DCLK1: variants seen among roughly 807,000 people sequenced by gnomAD.
DCLK1 encodes the protein doublecortin like kinase 1.
Under a neutral mutation model 86.2 loss-of-function variants are expected in DCLK1, and 16 were observed. The observed-to-expected ratio is 0.19, with a 90% CI of 0.13 to 0.28. The LOEUF (loss-of-function observed/expected upper bound fraction) is 0.28, where lower values mean the gene tolerates loss of function less well. Among genes scored for constraint, DCLK1 ranks in the 10% least tolerant of loss-of-function variants. The pLI, the probability that DCLK1 is intolerant of heterozygous loss-of-function variation, is 1.00. For synonymous variants in DCLK1, 369 were observed against 370.5 expected, an observed-to-expected ratio of 1.00 and a Z score of 0.05; for missense variants, 590 against 940.2, an observed-to-expected ratio of 0.63 and a Z score of 4.87.
At chr13:35,984,211 GC>G (rs1879794445) in intron 3 of DCLK1, among the ~76,000 whole-genome samples, 1 of 152,200 alleles carries the variant, frequency 6.6e-6, no homozygotes, top group Admixed American at 6.5e-5. Flanking sequence ...CTGTCTGTCA[GC>G]CGAGGATAGG....
chr13:35,794,537 T>A (rs551594448), intron 15 of DCLK1, among the ~76,000 whole-genome samples: 1 of 152,364 alleles, frequency 6.6e-6, no homozygotes, highest in Admixed American at 6.5e-5. Context: ...CACATGGCAT[T>A]TGCTTTTTCT....
chr13:36,104,730 G>A (rs1375880685), intron 3 of DCLK1, among the ~76,000 whole-genome samples: 1 of 151,810 alleles, frequency 6.6e-6, no homozygotes, highest in Non-Finnish European at 1.5e-5. Flanking sequence ...ATGCCTTTAA[G>A]GAATGACCTG....
intron 4 of DCLK1, among the ~76,000 whole-genome samples, chr13:35,897,759 A>G (rs1420310294): frequency 6.6e-6 from 1 of 152,224 alleles, no homozygotes; most frequent in Admixed American, 6.5e-5. Context: ...TAAAAACAAA[A>G]GCAACTGAAA....
chr13:36,123,873 C>T (rs1886074635), intron 2 of DCLK1, among the ~76,000 whole-genome samples: 1 of 152,216 alleles, frequency 6.6e-6, no homozygotes, highest in Non-Finnish European at 1.5e-5. Context: ...TGGTGACAAG[C>T]ATGCCATAAT....
intron 11 of DCLK1, among the ~76,000 whole-genome samples, chr13:35,821,921 A>G (rs1057426159): frequency 1.3e-5 from 2 of 151,904 alleles, no homozygotes; most frequent in Non-Finnish European, 2.9e-5. Flanking sequence ...AGCAAACCAA[A>G]TAGTGTAAAG....
chr13:35,987,704 C>T (rs1880000807), intron 3 of DCLK1, among the ~76,000 whole-genome samples: 1 of 152,154 alleles, frequency 6.6e-6, no homozygotes, highest in Admixed American at 6.5e-5. Flanking sequence ...TGAGAGAAGA[C>T]ACCTAACCCG....
At chr13:35,856,501 A>G (rs1221971449) in intron 5 of DCLK1, among the ~76,000 whole-genome samples, 1 of 152,244 alleles carries the variant, frequency 6.6e-6, no homozygotes, top group Non-Finnish European at 1.5e-5. Flanking sequence ...TTGGAGGGAA[A>G]AAATGAGCAA....
At chr13:36,031,635 T>C (rs1882276244) in intron 3 of DCLK1, among the ~76,000 whole-genome samples, 2 of 152,222 alleles carry the variant, frequency 1.3e-5, no homozygotes, top group Non-Finnish European at 2.9e-5. Flanking sequence ...TGTTAAGTTG[T>C]AAAGATGAAT....
chr13:36,078,439 G>C (rs1884292887), intron 3 of DCLK1, among the ~76,000 whole-genome samples: 1 of 152,222 alleles, frequency 6.6e-6, no homozygotes, highest in Non-Finnish European at 1.5e-5. Context: ...CCAAGCCCTT[G>C]ATGATCTGTT....
Position 36,029,958 on chromosome 13 carries a change from G to A in DCLK1, c.723+81911C>T, listed in dbSNP as rs568433464. Among the ~76,000 whole-genome samples the A allele has an allele frequency of 4.5e-4, 69 of 152,116 alleles. 1 individual carries two copies. The South Asian group carries it at 0.012, about 26-fold the overall frequency. ...ACAATTAACCTAATTTTACACACAC[G>A]GTTCAGAAAGGTTAAGTAACTTGTC... is the stretch of plus-strand genomic sequence containing the variant. On this transcript the variant is annotated intron_variant, in intron 3 of 16. Coordinates refer to ENST00000360631, the MANE Select transcript of DCLK1 (RefSeq NM_001330071.2).
chr13:35,804,255 C>G (rs569526763), intron 15 of DCLK1, among the ~76,000 whole-genome samples: 1 of 150,804 alleles, frequency 6.6e-6, no homozygotes, highest in Admixed American at 6.6e-5. Context: ...CTCAGCCTCC[C>G]GAGTAGCTGG....
intron 15 of DCLK1, among the ~76,000 whole-genome samples, chr13:35,804,037 C>A (rs748078772): frequency 6.6e-6 from 1 of 152,168 alleles, no homozygotes; most frequent in Non-Finnish European, 1.5e-5. Flanking sequence ...ACAATAAGTA[C>A]AAACACAACA....
intron 4 of DCLK1, among the ~76,000 whole-genome samples, chr13:35,910,061 G>A (rs771445920): frequency 6.6e-6 from 1 of 152,128 alleles, no homozygotes; most frequent in Non-Finnish European, 1.5e-5. Flanking sequence ...GGTTACTCAG[G>A]AGGGAACAGG....
chr13:35,964,781 G>GAAAA (rs10533073), intron 3 of DCLK1, among the ~76,000 whole-genome samples: 1 of 130,242 alleles, frequency 7.7e-6, no homozygotes. Context: ...AAAATGGTTG[G>GAAAA]AAAAAAAAAA....
At chr13:35,797,192 T>C (rs2086830156) in intron 15 of DCLK1, among the ~76,000 whole-genome samples, 1 of 152,188 alleles carries the variant, frequency 6.6e-6, no homozygotes, top group Admixed American at 6.5e-5. Flanking sequence ...GGTGTAAATA[T>C]GGGGAAAGAT....
At chr13:35,816,124 T>C (rs2087259884) in intron 11 of DCLK1, among the ~76,000 whole-genome samples, 1 of 152,208 alleles carries the variant, frequency 6.6e-6, no homozygotes, top group Admixed American at 6.5e-5. Flanking sequence ...TTAGGAATTA[T>C]ACATCCCAGG....
At chr13:35,974,792 C>T (rs1175887971) in intron 3 of DCLK1, among the ~76,000 whole-genome samples, 1 of 152,168 alleles carries the variant, frequency 6.6e-6, no homozygotes, top group Non-Finnish European at 1.5e-5. Context: ...TAAGAACAAA[C>T]TAATATAGAG....
chr13:35,779,206 C>T lies in DCLK1; in HGVS notation c.2059-4507G>A, dbSNP rs751836919. ...GGCCTGGCTGGTCTCGAACTCCTGA[C>T]CTCAGGTGATCCACCTGCCTCGGCC... On this transcript the variant is annotated intron_variant, in intron 16 of 16. Coordinates refer to ENST00000360631, the MANE Select transcript of DCLK1 (RefSeq NM_001330071.2). Among the ~76,000 whole-genome samples, 19 of 152,200 alleles carry T rather than the reference C, an allele frequency of 1.2e-4. No individual in the cohort carries two copies. In the South Asian group the frequency reaches 1.2e-3, roughly 10 times the overall value.
At chr13:35,963,037 GC>G (rs1337324093) in intron 3 of DCLK1, among the ~76,000 whole-genome samples, 2 of 152,162 alleles carry the variant, frequency 1.3e-5, no homozygotes, top group Non-Finnish European at 2.9e-5. Flanking sequence ...TCACGACAAT[GC>G]CCCAAGAACA....
Sources: gnomAD v4.1 joint callset for allele counts (sites outside exome capture counted in the v4.1 genomes callset) on GRCh38, gnomAD v4.1.1 for gene constraint, MANE v1.5 for transcripts, NCBI Gene and HGNC (gene_info 2026-07-23, HGNC 2026-07-21) for gene names.